Variants in NMNAT3 observed in about 807,000 individuals in gnomAD.
NMNAT3 encodes the protein nicotinamide/nicotinic acid mononucleotide adenylyltransferase 3.
In NMNAT3, 21 loss-of-function variants were observed where a neutral mutation model predicts 24.8. The observed-to-expected ratio is 0.85, with a 90% CI of 0.60 to 1.22. NMNAT3 has a LOEUF of 1.22. NMNAT3 is among the 50% of genes most tolerant of loss of function. The pLI is 0.00. For missense variants in NMNAT3, 387 were observed against 436.6 expected, an observed-to-expected ratio of 0.89 and a Z score of 1.01; for synonymous variants, 136 against 155.2, an observed-to-expected ratio of 0.88 and a Z score of 0.92.
At chr3:139,634,098 C>G (rs2056407633) in intron 2 of NMNAT3, among the ~76,000 whole-genome samples, 1 of 152,208 alleles carries the variant, frequency 6.6e-6, no homozygotes. Context: ...GGCCAATACT[C>G]CATGTGTATT....
intron 1 of NMNAT3, among the ~76,000 whole-genome samples, chr3:139,650,183 C>T (rs1274111978): frequency 6.6e-6 from 1 of 152,210 alleles, no homozygotes; most frequent in Admixed American, 6.5e-5. Flanking sequence ...CAATCCCTCT[C>T]TCTTCTCCAT....
chr3:139,593,603 C>A (rs1279027712), intron 3 of NMNAT3, among the ~76,000 whole-genome samples: 2 of 151,930 alleles, frequency 1.3e-5, no homozygotes, highest in Admixed American at 6.6e-5. Flanking sequence ...GAAATTATAA[C>A]AAACTATCTC....
chr3:139,603,788 C>G (rs1175567051), intron 3 of NMNAT3, among the ~76,000 whole-genome samples: 1 of 151,406 alleles, frequency 6.6e-6, no homozygotes, highest in Non-Finnish European at 1.5e-5. Flanking sequence ...ACCACCACTG[C>G]CACTAGTGCA....
At chr3:139,634,882 G>T (rs887681775) in intron 2 of NMNAT3, 14 of 152,212 alleles carry the variant, frequency 9.2e-5, no homozygotes, top group Admixed American at 7.2e-4. Context: ...TAGGCACTGT[G>T]CTAAAAACTT....
At chr3:139,618,170 C>A (rs1039638858) in intron 3 of NMNAT3, among the ~76,000 whole-genome samples, 4 of 152,158 alleles carry the variant, frequency 2.6e-5, no homozygotes, top group African/African-American at 9.7e-5. Flanking sequence ...ATCTAATTCC[C>A]AAACATTCTT....
intron 2 of NMNAT3, among the ~76,000 whole-genome samples, chr3:139,631,704 A>G (rs896921556): frequency 1.4e-5 from 2 of 146,514 alleles, no homozygotes; most frequent in African/African-American, 5.1e-5. Flanking sequence ...ATTTCATCCC[A>G]CTCCTCAAGC....
At chr3:139,614,312 C>T (rs1192807293) in intron 3 of NMNAT3, among the ~76,000 whole-genome samples, 3 of 152,098 alleles carry the variant, frequency 2.0e-5, no homozygotes, top group Admixed American at 6.5e-5. Context: ...ATTTCAGACT[C>T]CACGATCAAA....
chr3:139,579,005 C>G lies in NMNAT3; in HGVS notation c.442G>C (p.Gly148Arg). 8.7e-6 allele frequency: 14 copies of G among 1,614,142 alleles called. No homozygotes were observed. Among genetic ancestry groups the G allele is most frequent in the Non-Finnish European group, 1.2e-5 (14 of 1,180,024 alleles). ...TGAGAAGCTGCGAGGTCTTTCTTCC[C>G]ATAGGTGTCGTTGACAGGAGAGATG... The change falls in exon 5 of 7, where the codon GGG becomes CGG. Residue 148 changes from glycine (G) to arginine (R), a missense_variant. By Grantham distance (125) the Gly-to-Arg change is moderately radical. Coordinates refer to ENST00000643695, the MANE Select transcript of NMNAT3 (RefSeq NM_001320510.2).
In NMNAT3 at chr3:139,618,790, C is replaced by T. The variant is rs577007496; in HGVS notation, c.109+8826G>A. ...AAAGAAGATGGTTCGGGTTATGGCT[C>T]GGTGCACAGATCAGCTGGCTGTGGG... On this transcript the variant is annotated intron_variant, in intron 3 of 6. Coordinates refer to ENST00000643695, the MANE Select transcript of NMNAT3 (RefSeq NM_001320510.2). 9.7e-4 allele frequency among the ~76,000 whole-genome samples: 147 copies of T among 152,282 alleles called. 1 individual carries two copies. The highest frequency in any genetic ancestry group is 1.4e-3 in the Admixed American group (22 of 15,284).
intron 1 of NMNAT3, among the ~76,000 whole-genome samples, chr3:139,668,771 G>A (rs938929976): frequency 9.9e-5 from 15 of 152,222 alleles, no homozygotes; most frequent in African/African-American, 3.6e-4. Context: ...GAACTTTGCT[G>A]AGGAGAAATC....
chr3:139,640,981 G>T (rs1315949734), intron 1 of NMNAT3, among the ~76,000 whole-genome samples: 1 of 152,120 alleles, frequency 6.6e-6, no homozygotes, highest in African/African-American at 2.4e-5. Flanking sequence ...AATCGCTATT[G>T]TGTTGGCTAG....
At chr3:139,650,683 A>G (rs1469197621) in intron 1 of NMNAT3, among the ~76,000 whole-genome samples, 2 of 152,190 alleles carry the variant, frequency 1.3e-5, no homozygotes, top group Non-Finnish European at 2.9e-5. Context: ...ATCCTGACAT[A>G]TAACCCTCAT....
intron 4 of NMNAT3, among the ~76,000 whole-genome samples, chr3:139,580,481 T>C (rs1357150007): frequency 1.3e-5 from 2 of 152,150 alleles, no homozygotes; most frequent in Admixed American, 1.3e-4. Context: ...TTTGTGAGGC[T>C]AGAGTTTAAT....
intron 6 of NMNAT3, chr3:139,569,793 A>C (rs940698091): frequency 2.0e-5 from 3 of 151,998 alleles, no homozygotes; most frequent in Non-Finnish European, 4.4e-5. Flanking sequence ...CTTCATTTTA[A>C]CTTTGGTGAA....
intron 3 of NMNAT3, among the ~76,000 whole-genome samples, chr3:139,597,323 A>T (rs1479546701): frequency 2.0e-5 from 3 of 152,110 alleles, no homozygotes. Flanking sequence ...ATCCCCAAGT[A>T]GGTGCTGGAT....
chr3:139,573,857 T>C (rs1211825682), intron 5 of NMNAT3, among the ~76,000 whole-genome samples, 177 bp from the exon 6 acceptor site: 1 of 152,156 alleles, frequency 6.6e-6, no homozygotes, highest in Non-Finnish European at 1.5e-5. Context: ...CAGAAAGCCA[T>C]GTGGGTCTTC....
chr3:139,669,478 GAAAAAAAAAAA>G (rs61403161), intron 1 of NMNAT3, among the ~76,000 whole-genome samples: 1 of 59,326 alleles, frequency 1.7e-5, no homozygotes, highest in Non-Finnish European at 2.9e-5. Flanking sequence ...CCCTGTCTCA[GAAAAAAAAAAA>G]AAAAAAAAAA....
rs1356717113 is a variant in NMNAT3, at chr3:139,583,558, A to C, written c.110-350T>G. 7 of 739,802 alleles carry C rather than the reference A, an allele frequency of 9.5e-6. No homozygotes were observed. In the African/African-American group the frequency reaches 1.1e-4, roughly 11 times the overall value. The allele number at this position is 739,802 out of a possible 1,614,324, so 45.8% of individuals were successfully genotyped here. A position where few individuals can be genotyped will look rare whatever the true frequency, so the allele number is the denominator to read the frequency against. ...CCACAAAGTTTGAATTATTTTCTTC[A>C]CTTCATTTGAGAAATATAGGTGGAT... On this transcript the variant is annotated intron_variant, in intron 3 of 6. Transcript: ENST00000643695.
intron 3 of NMNAT3, among the ~76,000 whole-genome samples, chr3:139,614,581 A>G (rs2055394575): frequency 6.6e-6 from 1 of 152,158 alleles, no homozygotes; most frequent in African/African-American, 2.4e-5. Context: ...AATGTCCCTC[A>G]CTTTAGGCTT....
Sources: allele counts gnomAD v4.1 joint callset (sites outside exome capture counted in the v4.1 genomes callset), GRCh38; gene constraint gnomAD v4.1.1; transcripts MANE v1.5; gene names NCBI Gene and HGNC (gene_info 2026-07-23, HGNC 2026-07-21).